The following RP1 variants were observed in gnomAD, a reference collection of about 807,000 sequenced individuals.
RP1 encodes RP1 axonemal microtubule associated.
Under a neutral mutation model 14.8 loss-of-function variants are expected in RP1, and 16 were observed. The observed-to-expected ratio is 1.08, with a 90% CI of 0.73 to 1.65. RP1 has a LOEUF of 1.65. RP1 is among the 40% of genes most tolerant of loss of function. The pLI, the probability that RP1 is intolerant of heterozygous loss-of-function variation, is 0.00. For missense variants in RP1, 2,631 were observed against 2,535.0 expected (o/e 1.04, Z -0.81); for synonymous variants, 876 against 883.6 (o/e 0.99, Z 0.15).
chr8:54,588,656 T>G (rs1804984307), intron 1 of RP1, among the ~76,000 whole-genome samples: 1 of 152,146 alleles, frequency 6.6e-6, no homozygotes. Context: ...CATAGGGAAA[T>G]AAGAATATTG....
intron 1 of RP1, among the ~76,000 whole-genome samples, chr8:54,619,084 T>G (rs1805796204): frequency 6.6e-6 from 1 of 152,220 alleles, no homozygotes; most frequent in East Asian, 1.9e-4. Flanking sequence ...GAGGTTGCAG[T>G]TTTGCTGACT....
At chr8:54,595,343 A>G (rs1466653768) in intron 1 of RP1, among the ~76,000 whole-genome samples, 1 of 152,026 alleles carries the variant, frequency 6.6e-6, no homozygotes, top group Non-Finnish European at 1.5e-5. Context: ...GTTAGCCAGG[A>G]TGGTCTTGAT....
chr8:54,659,862 T>A (rs1212437176), intron 6 of RP1, among the ~76,000 whole-genome samples: 1 of 152,184 alleles, frequency 6.6e-6, no homozygotes, highest in Non-Finnish European at 1.5e-5. Context: ...ACTTGGGGTG[T>A]CTTTCCATTT....
chr8:54,628,205 A>G lies in RP1; in HGVS notation c.4323A>G (p.Glu1441=), dbSNP rs766760861. 4 of 1,614,060 alleles carry G rather than the reference A, an allele frequency of 2.5e-6. No homozygotes were observed. In the South Asian group the frequency reaches 3.3e-5, roughly 13 times the overall value. ...ENAYTSFDME[E]PRTSEEPGSI... ...CATATACTTCCTTTGATATGGAAGA[A>G]CCACGGACTTCTGAAGAACCAGGCT... The change falls in exon 4 of 4, where the codon GAA becomes GAG. Residue 1441 remains glutamate, a synonymous_variant. Coordinates refer to ENST00000220676, the MANE Select transcript of RP1 (RefSeq NM_006269.2).
rs181497543 is a variant in RP1 at position 54,626,787 on chromosome 8, A to G, written c.2905A>G (p.Met969Val). 4.0e-5 allele frequency: 65 copies of G among 1,613,830 alleles called. No homozygotes were observed. The East Asian group carries it at 6.0e-4, about 15-fold the overall frequency. Residue 969 changes from methionine to valine, a missense_variant, in exon 4 of 4, where the codon ATG (methionine) becomes GTG (valine). Coordinates refer to ENST00000220676, the MANE Select transcript of RP1 (RefSeq NM_006269.2). The stretch of plus-strand genomic sequence containing the variant: ...TTCTGGAAAAATAAGTAATTTTGTT[A>G]TGGAAAGTAATAAGCACATAACTAA... ...TNSGKISNFV[M>V]ESNKHITKIA...
chr8:54,636,117 T>C (rs1361015214), intron 3 of RP1, among the ~76,000 whole-genome samples: 3 of 152,232 alleles, frequency 2.0e-5, no homozygotes, highest in Non-Finnish European at 4.4e-5. Flanking sequence ...TGTGTCTCAT[T>C]TGGCATAGAT....
Position 54,831,438 on chromosome 8 carries a change from C to T in RP1, c.3616-6012C>T, listed in dbSNP as rs1387171139. Among the ~76,000 whole-genome samples the T allele has an allele frequency of 3.7e-5, 3 of 80,622 alleles. No homozygotes were observed. The South Asian group carries it at 1.2e-3, about 33-fold the overall frequency. The allele number at this position is 80,622 out of a possible 152,430, so 52.9% of individuals were successfully genotyped here. A position where few individuals can be genotyped will look rare whatever the true frequency, so the allele number is the denominator to read the frequency against. Reference sequence around the variant, plus strand: ...TTTTTTTAACATTCAATAGTATCTTCTCCTTTGGCTTATTACCTGTGCCTG... The same window carrying T: ...TTTTTTTAACATTCAATAGTATCTTTTCCTTTGGCTTATTACCTGTGCCTG... On this transcript the variant is annotated intron_variant, in intron 24 of 28. Coordinates refer to the RP1 transcript ENST00000637698.
rs770659908 is a variant in RP1 at position 54,625,146 on chromosome 8, T to TC, written c.1265dup (p.Ala423CysfsTer2). 1.2e-6 allele frequency: 2 copies of TC among 1,614,182 alleles called. No homozygotes were observed. Among genetic ancestry groups the TC allele is most frequent in the Non-Finnish European group, 1.7e-6 (2 of 1,180,028 alleles). On this transcript the variant is annotated frameshift_variant, in exon 4 of 4. Transcript: ENST00000220676. LOFTEE classifies it low-confidence loss of function (END_TRUNC). ...AGATCAAGTGGCTGAAACTTGCAGT[T>TC]CTGCTAGTTGGGAGAATGCTACTGT...
At chr8:54,569,005 C>T (rs1476415878) in intron 1 of RP1, among the ~76,000 whole-genome samples, 3 of 152,186 alleles carry the variant, frequency 2.0e-5, no homozygotes, top group South Asian at 2.1e-4. Context: ...TTTAAAAATG[C>T]ATGTAAAGAG....
chr8:54,678,361 T>G, intron 8 of RP1: 1 of 966,780 alleles, frequency 1.0e-6, no homozygotes, highest in African/African-American at 1.6e-5. Flanking sequence ...GTACAAGACC[T>G]TTACATATAT....
intron 26 of RP1, among the ~76,000 whole-genome samples, chr8:54,854,002 GAA>G (rs1016514826): frequency 6.6e-6 from 1 of 151,586 alleles, no homozygotes; most frequent in Non-Finnish European, 1.5e-5. Context: ...AGAAAGAAAA[GAA>G]AAGAAATGAA....
At chr8:54,722,712 T>C (rs991003736) in intron 16 of RP1, among the ~76,000 whole-genome samples, 3 of 151,956 alleles carry the variant, frequency 2.0e-5, no homozygotes, top group East Asian at 3.9e-4. Flanking sequence ...TTCCTCATAG[T>C]TGTCTAGAAA....
rs144177736 is a variant in RP1, at chr8:54,704,332, C to T, written c.1999-2111C>T. Among the ~76,000 whole-genome samples the T allele has an allele frequency of 2.3e-3, 346 of 152,048 alleles. 1 individual carries two copies. Among genetic ancestry groups the T allele is most frequent in the African/African-American group, 7.0e-3 (289 of 41,482 alleles). On this transcript the variant is annotated intron_variant, in intron 14 of 22. Transcript: ENST00000636932. ...TGTTGTGTCTGAGGGAATAGAGAGG[C>T]GAGAGAGAGATAGGGGAATGACTGG...
intron 16 of RP1, chr8:54,720,384 A>AT: frequency 1.6e-6 from 2 of 1,247,324 alleles, no homozygotes; most frequent in African/African-American, 1.5e-5. Flanking sequence ...ATTTCATCAC[A>AT]TTTTTACTAA....
intron 12 of RP1, among the ~76,000 whole-genome samples, chr8:54,687,414 AC>A (rs1298266467): frequency 3.9e-5 from 6 of 151,962 alleles, no homozygotes; most frequent in Non-Finnish European, 8.8e-5. Context: ...GCACCCAACA[AC>A]CCATCATCTA....
intron 23 of RP1, among the ~76,000 whole-genome samples, chr8:54,775,611 C>T (rs13278605): frequency 0.28 from 41,977 of 151,884 alleles, 6,055 homozygotes; most frequent in South Asian, 0.37. Context: ...CTGAACTGCC[C>T]CAGTTGACAC....
chr8:54,756,197 G>A (rs1342438339), intron 21 of RP1, among the ~76,000 whole-genome samples: 1 of 152,144 alleles, frequency 6.6e-6, no homozygotes, highest in Non-Finnish European at 1.5e-5. Flanking sequence ...GGGGCCAACT[G>A]TGTTATTTTC....
At chr8:54,691,805 T>G (rs1807717381) in intron 12 of RP1, among the ~76,000 whole-genome samples, 1 of 151,188 alleles carries the variant, frequency 6.6e-6, no homozygotes, top group African/African-American at 2.4e-5. Flanking sequence ...CTCTGGCTTT[T>G]TATTTTTATT....
At chr8:54,643,248 A>C (rs1179781395) in intron 3 of RP1, among the ~76,000 whole-genome samples, 2 of 152,186 alleles carry the variant, frequency 1.3e-5, no homozygotes, top group Admixed American at 6.5e-5. Flanking sequence ...ATGCATTTTA[A>C]ATGTACAATG....
Sources: allele counts gnomAD v4.1 joint callset (sites outside exome capture counted in the v4.1 genomes callset), GRCh38; gene constraint gnomAD v4.1.1; transcripts MANE v1.5; gene names NCBI Gene and HGNC (gene_info 2026-07-23, HGNC 2026-07-21).